Variants in PLPPR5 observed in about 807,000 individuals in gnomAD.
PLPPR5 encodes the protein phospholipid phosphatase related 5.
A neutral mutation model predicts 33.9 loss-of-function variants in PLPPR5; 16 were observed. The ratio of observed to expected loss-of-function variants is 0.47; its 90% CI spans 0.32 to 0.72. The LOEUF (loss-of-function observed/expected upper bound fraction) is 0.72, where lower values mean the gene tolerates loss of function less well. PLPPR5 is among the 30% of genes least tolerant of loss of function. The pLI is 0.03. For synonymous variants in PLPPR5, 163 were observed against 150.3 expected (o/e 1.08, Z -0.62); for missense variants, 301 against 406.7 (o/e 0.74, Z 2.23).
intron 3 of PLPPR5, among the ~76,000 whole-genome samples, chr1:98,939,732 C>T (rs2101189799): frequency 1.3e-5 from 2 of 151,964 alleles, no homozygotes; most frequent in Middle Eastern, 6.8e-3. Context: ...CCAGCGATAC[C>T]TGGGTCCTGC....
At position 98,975,351 on chromosome 1, in the gene PLPPR5, G is replaced by A. The variant is rs534199698; in HGVS notation, c.238-18610C>T. On this transcript the variant is annotated intron_variant, in intron 1 of 5. Coordinates refer to ENST00000263177, the MANE Select transcript of PLPPR5 (RefSeq NM_001037317.2). ...GTAACACTTGTAAATTGGAACCAGA[G>A]GAAAACAGATTTTGCATTGTTCTCT... Among the ~76,000 whole-genome samples the A allele has an allele frequency of 1.4e-3, 211 of 152,154 alleles. 4 individuals are homozygous for A. The highest frequency in any genetic ancestry group is 1.8e-3 in the Admixed American group (27 of 15,264).
intron 3 of PLPPR5, among the ~76,000 whole-genome samples, chr1:98,931,872 G>C (rs767568207): frequency 6.6e-6 from 1 of 152,160 alleles, no homozygotes; most frequent in Non-Finnish European, 1.5e-5. Flanking sequence ...ATATCACTTT[G>C]GGAGAATCAG....
At chr1:98,940,317 C>T (rs1431231624) in intron 3 of PLPPR5, among the ~76,000 whole-genome samples, 1 of 151,778 alleles carries the variant, frequency 6.6e-6, no homozygotes, top group Non-Finnish European at 1.5e-5. Context: ...AAGCTCTCTG[C>T]TGTCTCTTCT....
chr1:98,923,768 G>T (rs888583599), intron 3 of PLPPR5, among the ~76,000 whole-genome samples: 1 of 152,130 alleles, frequency 6.6e-6, no homozygotes, highest in Admixed American at 6.5e-5. Context: ...AGTTATGGAG[G>T]GTAAGTATAC....
intron 1 of PLPPR5, among the ~76,000 whole-genome samples, chr1:99,004,037 G>T (rs1242804731): frequency 6.6e-6 from 1 of 152,112 alleles, no homozygotes; most frequent in African/African-American, 2.4e-5. Context: ...CCCGCCCGCC[G>T]CTGCTCTTCT....
chr1:98,957,462 T>C (rs1651058139), intron 1 of PLPPR5, among the ~76,000 whole-genome samples: 1 of 152,068 alleles, frequency 6.6e-6, no homozygotes, highest in Non-Finnish European at 1.5e-5. Context: ...CATTTATTTT[T>C]ATGTGTAATT....
chr1:98,906,162 G>GTATATATATATAGTGTGTGTGTA (rs1343478467), intron 5 of PLPPR5, among the ~76,000 whole-genome samples: 2 of 150,232 alleles, frequency 1.3e-5, no homozygotes, highest in East Asian at 3.9e-4. Flanking sequence ...CACAGTGTGT[G>GTATATATATATAGTGTGTGTGTA]TATATATATA....
chr1:99,001,925 A>G (rs1652866696), intron 1 of PLPPR5, among the ~76,000 whole-genome samples: 1 of 151,890 alleles, frequency 6.6e-6, no homozygotes, highest in Non-Finnish European at 1.5e-5. Context: ...CAAATGTTAG[A>G]TAAGAATAAT....
rs1002222023 is a variant in PLPPR5, at chr1:98,892,181, A to G, written c.*891T>C. 6.6e-6 allele frequency: 1 copy of G among 152,140 alleles called. No homozygotes were observed. Among genetic ancestry groups the G allele is most frequent in the Non-Finnish European group, 1.5e-5 (1 of 67,998 alleles). The allele number at this position is 152,140 out of a possible 1,614,324, so 9.4% of individuals were successfully genotyped here. On this transcript the variant is annotated 3_prime_UTR_variant, in exon 6 of 6. Transcript: ENST00000263177. ...GGTATAGTTCTTTCCCATTTAAATTATGTGGAATCTTTAGTAGTAAAAAAG... is the reference window on the plus strand; with the variant it reads ...GGTATAGTTCTTTCCCATTTAAATTGTGTGGAATCTTTAGTAGTAAAAAAG...
chr1:98,933,249 G>T lies in PLPPR5; in HGVS notation c.622-11191C>A, dbSNP rs1410202445. Among the ~76,000 whole-genome samples the T allele has an allele frequency of 2.0e-5, 3 of 151,916 alleles. No homozygotes were observed. In the East Asian group the frequency reaches 5.8e-4, roughly 29 times the overall value. On this transcript the variant is annotated intron_variant, in intron 3 of 5. Coordinates refer to ENST00000263177, the MANE Select transcript of PLPPR5 (RefSeq NM_001037317.2). ...GCCTGTAATCCCAGCACTTTGGGAGGCTGAGGTGGGTGGATCACAGTCAGG... is the reference window on the plus strand; with the variant it reads ...GCCTGTAATCCCAGCACTTTGGGAGTCTGAGGTGGGTGGATCACAGTCAGG...
chr1:98,979,112 T>C (rs770988826), intron 1 of PLPPR5, among the ~76,000 whole-genome samples: 14 of 152,214 alleles, frequency 9.2e-5, no homozygotes, highest in East Asian at 1.9e-4. Flanking sequence ...GTCCCAGGCA[T>C]TCTTCTAGGT....
At chr1:98,976,367 A>ATG (rs1651854079) in intron 1 of PLPPR5, among the ~76,000 whole-genome samples, 1 of 152,100 alleles carries the variant, frequency 6.6e-6, no homozygotes, top group Non-Finnish European at 1.5e-5. Context: ...CAAAAAGGTG[A>ATG]TGTAAAAATC....
chr1:98,905,089 C>A (rs1648846875), intron 5 of PLPPR5, among the ~76,000 whole-genome samples: 1 of 152,160 alleles, frequency 6.6e-6, no homozygotes, highest in Non-Finnish European at 1.5e-5. Context: ...TTCTTCCATG[C>A]TGCTCTCTTA....
In PLPPR5 at chr1:98,892,446, AC is replaced by A; in HGVS notation, c.*625del. On this transcript the variant is annotated 3_prime_UTR_variant, in exon 6 of 6. Transcript: ENST00000263177. ...CATTTTCCCCTTCAAAAGCAGAAGC[AC>A]CAGTCTTAGAATGTATAGTATGAAT... 1 of 152,654 alleles carries A rather than the reference AC, an allele frequency of 6.6e-6. No homozygotes were observed. The highest frequency in any genetic ancestry group is 2.1e-4 in the South Asian group (1 of 4,832). 9.5% of individuals were successfully genotyped at this position (152,654 alleles called of 1,614,324 possible).
At chr1:98,972,094 A>G (rs895086472) in intron 1 of PLPPR5, among the ~76,000 whole-genome samples, 1 of 152,068 alleles carries the variant, frequency 6.6e-6, no homozygotes, top group African/African-American at 2.4e-5. Context: ...CAATGAGAAG[A>G]AAGAATTCAT....
chr1:98,974,233 A>T (rs1570747193), intron 1 of PLPPR5, among the ~76,000 whole-genome samples: 1 of 152,188 alleles, frequency 6.6e-6, no homozygotes, highest in East Asian at 1.9e-4. Context: ...ACAGACTTTC[A>T]AGACAGGGGT....
At chr1:98,957,808 G>C (rs1651070117) in intron 1 of PLPPR5, among the ~76,000 whole-genome samples, 1 of 152,128 alleles carries the variant, frequency 6.6e-6, no homozygotes, top group South Asian at 2.1e-4. Context: ...TGGAACACAA[G>C]TGAGTTGCCC....
chr1:98,902,838 T>G (rs1365445366), intron 5 of PLPPR5, among the ~76,000 whole-genome samples: 2 of 152,156 alleles, frequency 1.3e-5, no homozygotes, highest in East Asian at 3.8e-4. Context: ...AATTCTATAT[T>G]TATTCACATA....
At chr1:98,934,889 G>T (rs1650119440) in intron 3 of PLPPR5, among the ~76,000 whole-genome samples, 1 of 152,054 alleles carries the variant, frequency 6.6e-6, no homozygotes, top group Non-Finnish European at 1.5e-5. Flanking sequence ...TGAGGTGTTT[G>T]TATAAACATT....
Sources: allele counts gnomAD v4.1 joint callset (sites outside exome capture counted in the v4.1 genomes callset), GRCh38; gene constraint gnomAD v4.1.1; transcripts MANE v1.5; gene names NCBI Gene and HGNC (gene_info 2026-07-23, HGNC 2026-07-21).